The following JADE2 variants were observed in gnomAD, a reference collection of about 807,000 sequenced individuals.
The protein encoded by JADE2 is E3 ubiquitin-protein ligase Jade-2.
JADE2 carries 13 observed loss-of-function variants against 85.7 expected under a neutral mutation model. The observed-to-expected ratio is 0.15, with a 90% confidence interval of 0.10 to 0.24. The LOEUF (loss-of-function observed/expected upper bound fraction) is 0.24. Ranked by LOEUF, JADE2 falls within the 10% of genes least tolerant of loss-of-function variation. JADE2 has a pLI of 1.00. For synonymous variants in JADE2, 440 were observed against 456.1 expected (o/e 0.96, Z 0.45); for missense variants, 846 against 1,115.9 (o/e 0.76, Z 3.45).
intron 9 of JADE2, among the ~76,000 whole-genome samples, chr5:134,570,542 A>T (rs1345286575): frequency 6.6e-6 from 1 of 151,546 alleles, no homozygotes; most frequent in East Asian, 1.9e-4. Context: ...TGGTATTTGC[A>T]TCCTTGCTGC....
chr5:134,526,096 C>T (rs1314243656), intron 1 of JADE2, 85 bp downstream of exon 1: 1 of 984,722 alleles, frequency 1.0e-6, no homozygotes, highest in East Asian at 1.1e-4. Flanking sequence ...CAGCGCTCTT[C>T]GCTCCCTCGC....
intron 6 of JADE2, among the ~76,000 whole-genome samples, chr5:134,561,356 A>AACCTCTCTGGGCCTGTGTTTTCTC (rs1763308270): frequency 6.6e-6 from 1 of 152,250 alleles, no homozygotes; most frequent in African/African-American, 2.4e-5. Flanking sequence ...CAAGTTTTGT[A>AACCTCTCTGGGCCTGTGTTTTCTC]ACCTCTCTGG....
chr5:134,530,269 A>G (rs1432383132), intron 1 of JADE2, among the ~76,000 whole-genome samples: 1 of 152,260 alleles, frequency 6.6e-6, no homozygotes. Flanking sequence ...ATTAAATTGT[A>G]TTAGCATCTT....
chr5:134,560,464 C>A (rs376124643), intron 5 of JADE2, among the ~76,000 whole-genome samples: 169 of 152,304 alleles, frequency 1.1e-3, no homozygotes, highest in African/African-American at 3.9e-3. Context: ...GGCCGCATCC[C>A]AGAGACACTT....
At chr5:134,539,038 T>TTTA (rs1292737549) in intron 3 of JADE2, among the ~76,000 whole-genome samples, 2 of 139,698 alleles carry the variant, frequency 1.4e-5, no homozygotes, top group East Asian at 4.1e-4. Context: ...GTATTTTTAT[T>TTTA]TTTATTTTAT....
chr5:134,531,772 G>A (rs540486650), intron 1 of JADE2, among the ~76,000 whole-genome samples: 2 of 151,452 alleles, frequency 1.3e-5, no homozygotes, highest in African/African-American at 2.4e-5. Flanking sequence ...TAGTAGAGAC[G>A]GGGTTTCACC....
intron 3 of JADE2, among the ~76,000 whole-genome samples, chr5:134,544,230 G>A (rs1762155996): frequency 2.0e-5 from 3 of 152,272 alleles, no homozygotes; most frequent in South Asian, 4.1e-4. Flanking sequence ...AAATCAGCAA[G>A]TGCTTAAGAG....
chr5:134,544,190 C>T (rs1376079149), intron 3 of JADE2, among the ~76,000 whole-genome samples: 1 of 152,254 alleles, frequency 6.6e-6, no homozygotes, highest in East Asian at 1.9e-4. Context: ...AGGCCTGGGT[C>T]TCTGGACCGG....
intron 3 of JADE2, among the ~76,000 whole-genome samples, chr5:134,547,151 G>C (rs765752375): frequency 4.6e-5 from 7 of 152,184 alleles, no homozygotes; most frequent in Non-Finnish European, 8.8e-5. Context: ...GAATGGTTGT[G>C]ATCTGCAGTC....
chr5:134,551,529 CTT>C (rs572386911), intron 3 of JADE2, among the ~76,000 whole-genome samples: 2 of 142,932 alleles, frequency 1.4e-5, no homozygotes, highest in Non-Finnish European at 1.5e-5. Flanking sequence ...TTGCCTGGCC[CTT>C]TTTTTTTTTT....
chr5:134,564,635 C>T, intron 8 of JADE2, 25 bp downstream of exon 8: 1 of 1,424,014 alleles, frequency 7.0e-7, no homozygotes, highest in Non-Finnish European at 9.6e-7. Flanking sequence ...TCACCTCCTG[C>T]TGCCAGGAGC....
rs369479957 is a variant in JADE2, at chr5:134,571,947, C to G, written c.1435-1698C>G. 3.9e-4 allele frequency among the ~76,000 whole-genome samples: 60 copies of G among 152,352 alleles called. No individual in the cohort carries two copies. The South Asian group carries it at 5.4e-3, about 14-fold the overall frequency. ...GTCCAAGACGCCTTGCTCAGCACCC[C>G]CAAGTGTGGGTCGGAGCCACCTGGT... is the stretch of plus-strand genomic sequence containing the variant. On this transcript the variant is annotated intron_variant, in intron 9 of 11. Transcript: ENST00000681547.
At position 134,556,910 on chromosome 5, in the gene JADE2, GCA is replaced by G. The variant is rs201578103; in HGVS notation, c.312-2909_312-2908del. ...AAAACACACCCCACACATACCACAT[GCA>G]CACACACACATCACACAGCACACAA... On this transcript the variant is annotated intron_variant, in intron 4 of 11. Transcript: ENST00000681547. Among the ~76,000 whole-genome samples the G allele has an allele frequency of 2.1e-4, 21 of 100,210 alleles. No individual in the cohort carries two copies. The East Asian group carries it at 3.7e-3, about 17-fold the overall frequency. The allele number at this position is 100,210 out of a possible 152,430, so 65.7% of individuals were successfully genotyped here.
upstream of JADE2, among the ~76,000 whole-genome samples, chr5:134,525,036 G>T (rs560196032): frequency 2.7e-4 from 41 of 152,154 alleles, no homozygotes; most frequent in African/African-American, 9.6e-4. Context: ...TGCAAACCTC[G>T]TTCCCTCCGC....
intron 3 of JADE2, among the ~76,000 whole-genome samples, chr5:134,548,795 C>T (rs1454244487): frequency 2.0e-5 from 3 of 152,178 alleles, no homozygotes; most frequent in African/African-American, 7.2e-5. Flanking sequence ...CTCACCCACT[C>T]CAGCCTGGGC....
chr5:134,536,560 C>G (rs1447313208), intron 2 of JADE2: 2 of 152,058 alleles, frequency 1.3e-5, no homozygotes, highest in East Asian at 3.9e-4. Context: ...GTTTAGGGAG[C>G]CCCCCTGAAA....
At chr5:134,546,716 C>T (rs1000102115) in intron 3 of JADE2, among the ~76,000 whole-genome samples, 26 of 150,402 alleles carry the variant, frequency 1.7e-4, no homozygotes, top group Non-Finnish European at 3.1e-4. Context: ...TGCAGTGAGC[C>T]GAGATCACAC....
In JADE2 at chr5:134,566,620, G is replaced by A. The variant is rs1201806217; in HGVS notation, c.1434+40G>A. ...CGCCTGCCCACCCCCTGCCTGGTGG[G>A]TCCAGGAGTCCTTTCCATGCCACAC... On this transcript the variant is annotated intron_variant, in intron 9 of 11. Coordinates refer to ENST00000681547, the MANE Select transcript of JADE2 (RefSeq NM_001388185.1). The surrounding 1 kb of genome is among the most constrained non-coding windows in gnomAD (Gnocchi z 6.7). 1 of 1,414,556 alleles carries A rather than the reference G, an allele frequency of 7.1e-7. No individual in the cohort carries two copies. The highest frequency in any genetic ancestry group is 2.3e-4 in the Middle Eastern group (1 of 4,324). 87.6% of individuals were successfully genotyped at this position (1,414,556 alleles called of 1,614,324 possible).
At chr5:134,555,088 C>A (rs1272516921) in intron 4 of JADE2, among the ~76,000 whole-genome samples, 1 of 152,138 alleles carries the variant, frequency 6.6e-6, no homozygotes, top group Non-Finnish European at 1.5e-5. Flanking sequence ...CCTGTGCCCC[C>A]GTCATCCCAG....
Sources: gnomAD v4.1 joint callset for allele counts (sites outside exome capture counted in the v4.1 genomes callset) on GRCh38, gnomAD v4.1.1 for gene constraint, Gnocchi (gnomAD v3.1) non-coding constraint, MANE v1.5 for transcripts, NCBI Gene and HGNC (gene_info 2026-07-23, HGNC 2026-07-21) for gene names.